Variants in CSMD1 observed in about 807,000 individuals in gnomAD.
CSMD1 encodes the protein CUB and Sushi multiple domains 1.
A neutral mutation model predicts 417.5 loss-of-function variants in CSMD1; 213 were observed. The ratio of observed to expected loss-of-function variants is 0.51; its 90% CI spans 0.46 to 0.57. CSMD1 has a LOEUF of 0.57. Ranked by LOEUF, CSMD1 falls within the 20% of genes least tolerant of loss-of-function variation. The pLI is 0.00. For synonymous variants in CSMD1, 2,862 were observed against 1,736.8 expected, an observed-to-expected ratio of 1.65 and a Z score of -16.11; for missense variants, 6,923 against 4,529.7, an observed-to-expected ratio of 1.53 and a Z score of -15.17.
intron 26 of CSMD1, among the ~76,000 whole-genome samples, chr8:3,270,626 T>C (rs13248011): frequency 0.27 from 40,842 of 152,102 alleles, 5,769 homozygotes; most frequent in African/African-American, 0.34. Flanking sequence ...ATAGGTATAA[T>C]GTGTTCTTTA....
chr8:3,109,057 G>C (rs1311485075), intron 43 of CSMD1, among the ~76,000 whole-genome samples: 2 of 152,130 alleles, frequency 1.3e-5, no homozygotes, highest in Non-Finnish European at 1.5e-5. Context: ...CTGAGGTCAG[G>C]AGTTTGAGAC....
chr8:4,783,440 G>C (rs1307127734), intron 1 of CSMD1, among the ~76,000 whole-genome samples: 2 of 152,128 alleles, frequency 1.3e-5, no homozygotes, highest in East Asian at 3.8e-4. Context: ...CTTTGGCTTT[G>C]GTAATCTGCT....
At chr8:4,521,659 T>G (rs1170005048) in intron 2 of CSMD1, among the ~76,000 whole-genome samples, 1 of 152,150 alleles carries the variant, frequency 6.6e-6, no homozygotes, top group African/African-American at 2.4e-5. Flanking sequence ...GGCCCTCAGG[T>G]CCTATTGCGA....
rs1397743430 is a variant in CSMD1, at chr8:3,661,293, G to A, written c.1010-44496C>T. On this transcript the variant is annotated intron_variant, in intron 7 of 69. Coordinates refer to ENST00000635120, the MANE Select transcript of CSMD1 (RefSeq NM_033225.6). Reference sequence around the variant, plus strand: ...ACTTCAACCATTTATACCCTGCTGAGCGTTCAAACTGTGCTCAAACAAGGC... The same window carrying A: ...ACTTCAACCATTTATACCCTGCTGAACGTTCAAACTGTGCTCAAACAAGGC... Among the ~76,000 whole-genome samples, 3 of 152,146 alleles carry A rather than the reference G, an allele frequency of 2.0e-5. No homozygotes were observed. In the South Asian group the frequency reaches 6.2e-4, roughly 32 times the overall value.
intron 3 of CSMD1, among the ~76,000 whole-genome samples, chr8:4,129,315 A>G (rs1010470726): frequency 6.6e-5 from 10 of 151,966 alleles, no homozygotes; most frequent in Non-Finnish European, 1.0e-4. Flanking sequence ...CCCTCTTTTC[A>G]TGTGGAGCCT....
In CSMD1 at chr8:3,075,885, C is replaced by CAAAAA. The variant is rs754691568; in HGVS notation, c.7474+11207_7474+11211dup. Among the ~76,000 whole-genome samples the CAAAAA allele has an allele frequency of 3.6e-3, 382 of 106,946 alleles. 5 individuals carry two copies. Among genetic ancestry groups the CAAAAA allele is most frequent in the African/African-American group, 0.012 (361 of 29,410 alleles). The allele number at this position is 106,946 out of a possible 152,430, so 70.2% of individuals were successfully genotyped here. On this transcript the variant is annotated intron_variant, in intron 49 of 69. Coordinates refer to ENST00000635120, the MANE Select transcript of CSMD1 (RefSeq NM_033225.6). ...GGAAACACTGTCTCTACTAAAAATA[C>CAAAAA]AAAAAAAAAAAAAAAATTAGCCGGG...
chr8:4,397,140 G>C (rs148784203), intron 3 of CSMD1, among the ~76,000 whole-genome samples: 13 of 152,076 alleles, frequency 8.5e-5, no homozygotes, highest in African/African-American at 3.1e-4. Context: ...ACATGGTCGA[G>C]CAATCACTCT....
At chr8:2,966,046 T>C in intron 58 of CSMD1, 92 bp from the exon 59 acceptor site, 2 of 1,174,288 alleles carry the variant, frequency 1.7e-6, no homozygotes, top group Non-Finnish European at 2.5e-6. Flanking sequence ...CTCTCTGAGT[T>C]GCTATTCACA....
intron 1 of CSMD1, among the ~76,000 whole-genome samples, chr8:4,649,309 C>G (rs1190349565): frequency 6.6e-6 from 1 of 152,172 alleles, no homozygotes; most frequent in Non-Finnish European, 1.5e-5. Flanking sequence ...TTATTACTAC[C>G]TACAGTAATG....
chr8:3,272,265 G>A (rs1801921469), intron 26 of CSMD1, among the ~76,000 whole-genome samples: 1 of 143,704 alleles, frequency 7.0e-6, no homozygotes, highest in Non-Finnish European at 1.5e-5. Flanking sequence ...ATTTCTGAGG[G>A]CTCTGTTCTA....
intron 49 of CSMD1, among the ~76,000 whole-genome samples, chr8:3,073,759 T>A (rs968331836): frequency 2.0e-5 from 3 of 148,634 alleles, no homozygotes; most frequent in African/African-American, 7.4e-5. Flanking sequence ...ACATGAACTT[T>A]AAAAAAATAT....
At chr8:4,094,532 T>C (rs1359203381) in intron 3 of CSMD1, among the ~76,000 whole-genome samples, 4 of 152,130 alleles carry the variant, frequency 2.6e-5, no homozygotes, top group South Asian at 2.1e-4. Flanking sequence ...TCAGATTAAA[T>C]AGCTTCAGTG....
chr8:4,014,721 G>C (rs938830698), intron 4 of CSMD1, among the ~76,000 whole-genome samples: 1 of 152,152 alleles, frequency 6.6e-6, no homozygotes, highest in Admixed American at 6.5e-5. Flanking sequence ...AGTCCTTGCT[G>C]GTAAACACTT....
intron 1 of CSMD1, among the ~76,000 whole-genome samples, chr8:4,842,189 T>C (rs766482924): frequency 1.7e-4 from 26 of 152,120 alleles, no homozygotes; most frequent in Non-Finnish European, 2.6e-4. Flanking sequence ...ATGAAAAGAA[T>C]TGTAGCTGTA....
At chr8:3,205,910 T>C (rs540085999) in intron 30 of CSMD1, among the ~76,000 whole-genome samples, 57 of 152,162 alleles carry the variant, frequency 3.7e-4, no homozygotes, top group Admixed American at 9.2e-4. Flanking sequence ...ATAGGTTCTA[T>C]AAAGACAAAT....
intron 3 of CSMD1, among the ~76,000 whole-genome samples, chr8:4,052,954 T>C (rs547423813): frequency 2.0e-5 from 3 of 152,102 alleles, no homozygotes; most frequent in Non-Finnish European, 4.4e-5. Flanking sequence ...CTGAGAGGTA[T>C]AAATGGACCC....
chr8:3,991,734 T>C (rs1054018032), intron 5 of CSMD1, among the ~76,000 whole-genome samples: 1 of 152,136 alleles, frequency 6.6e-6, no homozygotes, highest in Admixed American at 6.5e-5. Flanking sequence ...TGTTTTGAAA[T>C]TAGCGATGAA....
rs557597047 is a variant in CSMD1 at position 3,338,941 on chromosome 8, C to T, written c.3631+4353G>A. The stretch of plus-strand genomic sequence containing the variant: ...TGCTGGTGCGCTGCACCCACTAACT[C>T]GTCATCTAGCATTACGTATATCTCC... On this transcript the variant is annotated intron_variant, in intron 23 of 69. Coordinates refer to ENST00000635120, the MANE Select transcript of CSMD1 (RefSeq NM_033225.6). Among the ~76,000 whole-genome samples, 5 of 151,084 alleles carry T rather than the reference C, an allele frequency of 3.3e-5. No individual in the cohort carries two copies. In the East Asian group the frequency reaches 7.9e-4, roughly 24 times the overall value.
At chr8:3,506,687 T>G (rs1257097495) in intron 10 of CSMD1, among the ~76,000 whole-genome samples, 3 of 152,184 alleles carry the variant, frequency 2.0e-5, no homozygotes, top group South Asian at 2.1e-4. Flanking sequence ...AACTCCGAAT[T>G]TGGGGTGTCA....
Sources: gnomAD v4.1 joint callset for allele counts (sites outside exome capture counted in the v4.1 genomes callset) on GRCh38, gnomAD v4.1.1 for gene constraint, MANE v1.5 for transcripts, NCBI Gene and HGNC (gene_info 2026-07-23, HGNC 2026-07-21) for gene names.